The following HERC1 variants were observed in gnomAD, a reference collection of about 807,000 sequenced individuals.
The protein encoded by HERC1 is HECT and RLD domain containing E3 ubiquitin protein ligase family member 1.
HERC1 carries 160 observed loss-of-function variants against 554.3 expected under a neutral mutation model. That is an observed-to-expected ratio of 0.29 (90% CI 0.25 to 0.33). The LOEUF (loss-of-function observed/expected upper bound fraction) is 0.33. HERC1 is among the 10% of genes least tolerant of loss of function. The pLI, the probability that HERC1 is intolerant of heterozygous loss-of-function variation, is 1.00. For synonymous variants in HERC1, 2,175 were observed against 2,131.7 expected (o/e 1.02, Z -0.56); for missense variants, 4,919 against 5,918.5 (o/e 0.83, Z 5.54).
chr15:63,706,263 A>G (rs921626927), intron 25 of HERC1, among the ~76,000 whole-genome samples: 7 of 151,934 alleles, frequency 4.6e-5, no homozygotes, highest in Admixed American at 6.5e-5. Flanking sequence ...AAGAGATATA[A>G]TATCTCTTCA....
chr15:63,821,621 G>A (rs908057058), intron 1 of HERC1, among the ~76,000 whole-genome samples: 2 of 149,320 alleles, frequency 1.3e-5, no homozygotes, highest in Admixed American at 6.7e-5. Context: ...AGCTACCCTG[G>A]AGGCCAAGGT....
Position 63,694,995 on chromosome 15 carries a change from A to C in HERC1, c.5122-101T>G. ...TATTTCTAGTCTATGCTAGAGCCTT[A>C]CGATGGTTTTTAATTATTTACTATA... is the stretch of plus-strand genomic sequence containing the variant. On this transcript the variant is annotated intron_variant, in intron 27 of 77. Coordinates refer to ENST00000443617, the MANE Select transcript of HERC1 (RefSeq NM_003922.4). The surrounding 1 kb of genome is among the most constrained non-coding windows in gnomAD (Gnocchi z 4.3). 1 of 1,088,282 alleles carries C rather than the reference A, an allele frequency of 9.2e-7. No homozygotes were observed. The highest frequency in any genetic ancestry group is 1.9e-5 in the South Asian group (1 of 54,000). The allele number at this position is 1,088,282 out of a possible 1,614,324, so 67.4% of individuals were successfully genotyped here. A position where few individuals can be genotyped will look rare whatever the true frequency, so the allele number is the denominator to read the frequency against.
At chr15:63,648,631 C>A (rs1987454251) in intron 54 of HERC1, among the ~76,000 whole-genome samples, 1 of 145,320 alleles carries the variant, frequency 6.9e-6, no homozygotes, top group Non-Finnish European at 1.5e-5. Flanking sequence ...CATATTCTAT[C>A]AAAATGTTCT....
chr15:63,776,117 T>G (rs964854238), intron 1 of HERC1, among the ~76,000 whole-genome samples: 1 of 152,178 alleles, frequency 6.6e-6, no homozygotes, highest in Non-Finnish European at 1.5e-5. Context: ...GATTCCATTA[T>G]CTGTGTAACA....
intron 59 of HERC1, among the ~76,000 whole-genome samples, chr15:63,642,066 AT>A (rs1220077654): frequency 1.3e-5 from 2 of 152,136 alleles, no homozygotes; most frequent in Non-Finnish European, 2.9e-5. Flanking sequence ...CTGATTCTAC[AT>A]TTTACTTGCA....
At chr15:63,625,381 G>C (rs936283691) in intron 71 of HERC1, among the ~76,000 whole-genome samples, 3 of 152,104 alleles carry the variant, frequency 2.0e-5, no homozygotes, top group Non-Finnish European at 4.4e-5. Flanking sequence ...GAAATGGCTG[G>C]TAGAAGTGGC....
At chr15:63,620,101 G>A (rs1595831338) in intron 74 of HERC1, among the ~76,000 whole-genome samples, 4 of 151,990 alleles carry the variant, frequency 2.6e-5, no homozygotes, top group Non-Finnish European at 2.9e-5. Context: ...GTCAATTTTC[G>A]ATCTTTCCTG....
chr15:63,763,060 G>T (rs1402981273), intron 3 of HERC1, among the ~76,000 whole-genome samples: 1 of 152,056 alleles, frequency 6.6e-6, no homozygotes. Flanking sequence ...AAATACCGTG[G>T]GGTCCCAGAG....
chr15:63,809,789 CAAAAAAAA>C (rs34059646), intron 1 of HERC1, among the ~76,000 whole-genome samples: 1 of 136,158 alleles, frequency 7.3e-6, no homozygotes, highest in Non-Finnish European at 1.6e-5. Flanking sequence ...TTTAGAATAG[CAAAAAAAA>C]AAAAAAAAGT....
At chr15:63,790,606 T>C (rs897083979) in intron 1 of HERC1, among the ~76,000 whole-genome samples, 1 of 115,654 alleles carries the variant, frequency 8.6e-6, no homozygotes, top group Non-Finnish European at 2.1e-5. Flanking sequence ...TAAAAAGTAC[T>C]TTTTAAATAC....
chr15:63,658,414 A>C, intron 48 of HERC1, 130 bp downstream of exon 48: 1 of 672,730 alleles, frequency 1.5e-6, no homozygotes, highest in Non-Finnish European at 2.3e-6. Flanking sequence ...GACTACGTCT[A>C]ACATCTTTCA....
At chr15:63,833,529 G>C (rs2078230183) in intron 1 of HERC1, among the ~76,000 whole-genome samples, 2 of 152,018 alleles carry the variant, frequency 1.3e-5, no homozygotes, top group Non-Finnish European at 2.9e-5. Context: ...TGGAGGGGCG[G>C]GTCTCTCGGC....
intron 8 of HERC1, among the ~76,000 whole-genome samples, chr15:63,750,619 T>C (rs1427862320): frequency 3.3e-5 from 5 of 152,200 alleles, no homozygotes; most frequent in African/African-American, 1.2e-4. Context: ...GCTGAGAGAT[T>C]AAACCACTTC....
At chr15:63,744,121 T>G (rs1355377170) in intron 12 of HERC1, among the ~76,000 whole-genome samples, 3 of 64,766 alleles carry the variant, frequency 4.6e-5, no homozygotes, top group Admixed American at 1.6e-4. Context: ...TGTGTGTGTG[T>G]GTGTGTGTGT....
In HERC1 at chr15:63,694,141, G is replaced by A; in HGVS notation, c.5497C>T (p.Leu1833=). 1 of 1,605,962 alleles carries A rather than the reference G, an allele frequency of 6.2e-7. No homozygotes were observed. Among genetic ancestry groups the A allele is most frequent in the Non-Finnish European group, 8.5e-7 (1 of 1,176,118 alleles). ...AAGGATTGAACTACTTTGGGACTCA[G>A]TTTATCAGCATAGGTCCTATGTGAA... ...AITTGTYADK[L]SPKVVQSLLD... Residue 1833 remains leucine, a synonymous_variant, in exon 30 of 78, where the codon CTG becomes TTG. Coordinates refer to ENST00000443617, the MANE Select transcript of HERC1 (RefSeq NM_003922.4). This position sits in a 1 kb window ranked among gnomAD's most constrained non-coding sequence, Gnocchi z 4.3.
At chr15:63,747,472 A>AT (rs1567082290) in intron 11 of HERC1, among the ~76,000 whole-genome samples, 1 of 151,886 alleles carries the variant, frequency 6.6e-6, no homozygotes, top group African/African-American at 2.4e-5. Flanking sequence ...AAAAAAAAAA[A>AT]TTTTGTCAAG....
intron 1 of HERC1, among the ~76,000 whole-genome samples, chr15:63,798,387 A>G (rs1338445921): frequency 6.6e-6 from 1 of 152,186 alleles, no homozygotes; most frequent in Non-Finnish European, 1.5e-5. Flanking sequence ...AGTGTTTTCC[A>G]GGTAATTTTC....
chr15:63,674,457 C>G lies in HERC1; in HGVS notation c.7731G>C (p.Arg2577=). 6.2e-7 allele frequency: 1 copy of G among 1,613,958 alleles called. No homozygotes were observed. The highest frequency in any genetic ancestry group is 8.5e-7 in the Non-Finnish European group (1 of 1,179,874). ...ATCCCAATGCTCTCTTTATGGGTGA[C>G]CGCATGACTGCTCGCTTCACCATGT... ...MRHMVKRAVM[R]SPIKRALGLA... Residue 2577 remains arginine (R), a synonymous_variant, in exon 38 of 78, where the codon CGG becomes CGC. Coordinates refer to ENST00000443617, the MANE Select transcript of HERC1 (RefSeq NM_003922.4).
At chr15:63,828,464 T>C (rs527566327) in intron 1 of HERC1, among the ~76,000 whole-genome samples, 107 of 152,150 alleles carry the variant, frequency 7.0e-4, no homozygotes, top group African/African-American at 2.6e-3. Flanking sequence ...CTCAGACTCT[T>C]GGGTAGCTGG....
Sources: allele counts gnomAD v4.1 joint callset (sites outside exome capture counted in the v4.1 genomes callset), GRCh38; gene constraint gnomAD v4.1.1; non-coding constraint Gnocchi (gnomAD v3.1); transcripts MANE v1.5; gene names NCBI Gene and HGNC (gene_info 2026-07-23, HGNC 2026-07-21).